The following SHISA9 variants were observed in gnomAD, a reference collection of about 807,000 sequenced individuals.
The protein encoded by SHISA9 is protein shisa-9.
Under a neutral mutation model 38.0 loss-of-function variants are expected in SHISA9, and 13 were observed. The ratio of observed to expected loss-of-function variants is 0.34; its 90% CI spans 0.22 to 0.54. The LOEUF is 0.54. Ranked by LOEUF, SHISA9 falls within the 20% of genes least tolerant of loss-of-function variation. The pLI, the probability that SHISA9 is intolerant of heterozygous loss-of-function variation, is 0.91. For synonymous variants in SHISA9, 275 were observed against 242.0 expected (o/e 1.14, Z -1.27); for missense variants, 538 against 575.8 (o/e 0.93, Z 0.67).
the SHISA9 span, among the ~76,000 whole-genome samples, chr16:13,559,551 A>G: frequency 4.6e-5 from 7 of 151,644 alleles, no homozygotes; most frequent in African/African-American, 4.8e-5. Context: ...CTAATTTTAT[A>G]TATATATTTT....
the SHISA9 span, chr16:13,246,468 T>C: frequency 6.6e-6 from 1 of 152,204 alleles, no homozygotes; most frequent in Non-Finnish European, 1.5e-5. Flanking sequence ...GAGATCAGAC[T>C]AAAACAGTCT....
At chr16:13,560,795 A>C in the SHISA9 span, among the ~76,000 whole-genome samples, 1 of 150,442 alleles carries the variant, frequency 6.6e-6, no homozygotes, top group Non-Finnish European at 1.5e-5. Flanking sequence ...AGAAGAGGCT[A>C]TGTCACGGCC....
chr16:13,343,305 G>A, the SHISA9 span, among the ~76,000 whole-genome samples: 52 of 152,184 alleles, frequency 3.4e-4, no homozygotes, highest in African/African-American at 1.1e-3. Flanking sequence ...TCTTCCCAAG[G>A]TTGATTCCTT....
chr16:13,384,088 C>T, the SHISA9 span, among the ~76,000 whole-genome samples: 2 of 152,106 alleles, frequency 1.3e-5, no homozygotes, highest in African/African-American at 4.8e-5. Context: ...ACTATGCCTC[C>T]TTTCAACTGG....
At chr16:13,161,370 C>G (rs2050593893) in intron 2 of SHISA9, among the ~76,000 whole-genome samples, 1 of 152,118 alleles carries the variant, frequency 6.6e-6, no homozygotes. Context: ...GACCTGGACC[C>G]TAACACGTCC....
At chr16:13,407,141 A>T in the SHISA9 span, among the ~76,000 whole-genome samples, 1 of 151,672 alleles carries the variant, frequency 6.6e-6, no homozygotes, top group African/African-American at 2.4e-5. Context: ...CTACCACAAC[A>T]AGCTACCATA....
chr16:13,421,650 C>G, the SHISA9 span, among the ~76,000 whole-genome samples: 3 of 152,278 alleles, frequency 2.0e-5, no homozygotes, highest in East Asian at 5.8e-4. Context: ...CAAACTTCAT[C>G]CAATAGAACA....
chr16:13,542,334 G>C, the SHISA9 span, among the ~76,000 whole-genome samples: 3 of 152,214 alleles, frequency 2.0e-5, no homozygotes, highest in Admixed American at 1.3e-4. Context: ...CTAGGTGCAA[G>C]GGGATAAGGA....
rs567668524 is a variant in SHISA9, at chr16:13,160,691, C to T, written c.692-42703C>T. ...TTGGGGCAGGTTGGGACCATTTTAACACCCCCCAGGGGCTTAGTTTAAAGG... is the reference window on the plus strand; with the variant it reads ...TTGGGGCAGGTTGGGACCATTTTAATACCCCCCAGGGGCTTAGTTTAAAGG... On this transcript the variant is annotated intron_variant, in intron 2 of 4. Transcript: ENST00000558583. Among the ~76,000 whole-genome samples the T allele has an allele frequency of 4.3e-4, 66 of 152,290 alleles. No individual in the cohort carries two copies. The South Asian group carries it at 0.013, about 31-fold the overall frequency.
the SHISA9 span, among the ~76,000 whole-genome samples, chr16:13,435,621 A>G: frequency 9.9e-5 from 15 of 152,042 alleles, no homozygotes; most frequent in Admixed American, 7.9e-4. Context: ...ACCTGAGGGG[A>G]AAAAAAAGAG....
At chr16:13,248,560 A>C in the SHISA9 span, among the ~76,000 whole-genome samples, 2 of 152,156 alleles carry the variant, frequency 1.3e-5, no homozygotes, top group Non-Finnish European at 2.9e-5. Context: ...AGTTTTTCTC[A>C]TCTGTAGAGC....
intron 2 of SHISA9, among the ~76,000 whole-genome samples, chr16:13,187,090 TC>T (rs1437474094): frequency 1.3e-5 from 2 of 152,180 alleles, no homozygotes; most frequent in African/African-American, 4.8e-5. Context: ...GACCTCTGTT[TC>T]ACATGCAGCA....
chr16:13,232,982 C>T (rs1393974484), intron 4 of SHISA9, among the ~76,000 whole-genome samples: 1 of 152,140 alleles, frequency 6.6e-6, no homozygotes, highest in African/African-American at 2.4e-5. Context: ...CTTATTTACA[C>T]ATGTAGGTTT....
chr16:12,990,849 C>T (rs774043151), intron 2 of SHISA9, among the ~76,000 whole-genome samples: 3 of 152,162 alleles, frequency 2.0e-5, no homozygotes, highest in Non-Finnish European at 4.4e-5. Context: ...CGCATTAAAC[C>T]AAACATATTT....
At chr16:13,140,967 C>T (rs2050396942) in intron 2 of SHISA9, among the ~76,000 whole-genome samples, 16 of 152,138 alleles carry the variant, frequency 1.1e-4, no homozygotes. Context: ...GATGCTGAAC[C>T]TGGAGAAATA....
At chr16:13,477,325 A>G in the SHISA9 span, among the ~76,000 whole-genome samples, 1 of 152,234 alleles carries the variant, frequency 6.6e-6, no homozygotes, top group Non-Finnish European at 1.5e-5. Flanking sequence ...GGCAAAAGTT[A>G]TTAGAAAAGC....
the SHISA9 span, among the ~76,000 whole-genome samples, chr16:13,548,679 G>A: frequency 6.6e-6 from 1 of 152,092 alleles, no homozygotes; most frequent in Non-Finnish European, 1.5e-5. Flanking sequence ...ACCCCAGTTA[G>A]AATAGCCATT....
chr16:13,557,675 G>C, the SHISA9 span, among the ~76,000 whole-genome samples: 1 of 152,170 alleles, frequency 6.6e-6, no homozygotes, highest in Non-Finnish European at 1.5e-5. Flanking sequence ...ATGGAACTTT[G>C]AGGATAATTT....
chr16:13,278,291 T>C, the SHISA9 span, among the ~76,000 whole-genome samples: 1 of 152,248 alleles, frequency 6.6e-6, no homozygotes, highest in Non-Finnish European at 1.5e-5. Flanking sequence ...GGATTATTTT[T>C]TTGATATGTT....
Sources: gnomAD v4.1 joint callset for allele counts (sites outside exome capture counted in the v4.1 genomes callset) on GRCh38, gnomAD v4.1.1 for gene constraint, MANE v1.5 for transcripts, NCBI Gene and HGNC (gene_info 2026-07-23, HGNC 2026-07-21) for gene names.